The following TIAM1 variants were observed in gnomAD, a reference collection of about 807,000 sequenced individuals.
TIAM1 encodes the protein rho guanine nucleotide exchange factor TIAM1.
Under a neutral mutation model 163.5 loss-of-function variants are expected in TIAM1, and 65 were observed. The ratio of observed to expected loss-of-function variants is 0.40; its 90% confidence interval spans 0.33 to 0.49. The LOEUF is 0.49. Among genes scored for constraint, TIAM1 ranks in the 20% least tolerant of loss-of-function variants. TIAM1 has a pLI of 0.77. For synonymous variants in TIAM1, 833 were observed against 810.1 expected, an observed-to-expected ratio of 1.03 and a Z score of -0.48; for missense variants, 1,789 against 2,044.7, an observed-to-expected ratio of 0.87 and a Z score of 2.41.
chr21:31,478,332 T>A (rs2046000841), intron 1 of TIAM1, among the ~76,000 whole-genome samples: 1 of 152,222 alleles, frequency 6.6e-6, no homozygotes, highest in South Asian at 2.1e-4. Flanking sequence ...TAGTCTGGAT[T>A]TGCTTTACTA....
At chr21:31,213,576 C>T (rs2087002361) in intron 9 of TIAM1, 104 bp from the exon 10 acceptor site, 1 of 935,746 alleles carries the variant, frequency 1.1e-6, no homozygotes, top group Non-Finnish European at 1.7e-6. Context: ...AAACCTTACA[C>T]ACGTGTTCAG....
At chr21:31,480,957 T>C (rs1437891516) in intron 1 of TIAM1, among the ~76,000 whole-genome samples, 1 of 152,200 alleles carries the variant, frequency 6.6e-6, no homozygotes, top group African/African-American at 2.4e-5. Context: ...GGTTTCACCA[T>C]GTTGGTCAGG....
chr21:31,397,524 T>C (rs1264129794), intron 2 of TIAM1, among the ~76,000 whole-genome samples: 1 of 152,168 alleles, frequency 6.6e-6, no homozygotes, highest in African/African-American at 2.4e-5. Context: ...ATTTAAATCA[T>C]GAAAATCACA....
intron 13 of TIAM1, among the ~76,000 whole-genome samples, chr21:31,191,483 G>A (rs1027069981): frequency 2.0e-5 from 3 of 152,120 alleles, no homozygotes; most frequent in Admixed American, 6.5e-5. Context: ...GTGAAGTCAG[G>A]GAACAGGTGC....
At chr21:31,478,930 C>T (rs1362808548) in intron 1 of TIAM1, among the ~76,000 whole-genome samples, 1 of 152,192 alleles carries the variant, frequency 6.6e-6, no homozygotes, top group Non-Finnish European at 1.5e-5. Flanking sequence ...ACATCGAAGA[C>T]TCAAGAAATA....
At chr21:31,492,192 G>T (rs1219224821) in intron 1 of TIAM1, among the ~76,000 whole-genome samples, 1 of 152,140 alleles carries the variant, frequency 6.6e-6, no homozygotes, top group Admixed American at 6.5e-5. Flanking sequence ...GTCAAGCTGG[G>T]AACTACATCA....
At chr21:31,510,720 G>A (rs541144646) in intron 1 of TIAM1, among the ~76,000 whole-genome samples, 3 of 152,008 alleles carry the variant, frequency 2.0e-5, no homozygotes, top group East Asian at 1.9e-4. Context: ...AGGCTGAGAC[G>A]GGAGAATTGC....
intron 27 of TIAM1, among the ~76,000 whole-genome samples, chr21:31,121,755 G>GC (rs1195332336): frequency 6.6e-6 from 1 of 152,162 alleles, no homozygotes; most frequent in East Asian, 1.9e-4. Context: ...TTCACCTACT[G>GC]CCCTCTAGGA....
At chr21:31,255,822 A>G (rs2072067134) in intron 4 of TIAM1, among the ~76,000 whole-genome samples, 1 of 152,180 alleles carries the variant, frequency 6.6e-6, no homozygotes, top group African/African-American at 2.4e-5. Context: ...CCATGTTAGA[A>G]CCACTCCGTT....
intron 4 of TIAM1, among the ~76,000 whole-genome samples, chr21:31,260,845 AC>A (rs2072429012): frequency 6.6e-6 from 1 of 152,092 alleles, no homozygotes. Context: ...ACTTTAGGGG[AC>A]CTATGGATCC....
intron 2 of TIAM1, among the ~76,000 whole-genome samples, chr21:31,322,694 G>A (rs1216092970): frequency 6.6e-6 from 1 of 152,232 alleles, no homozygotes; most frequent in Non-Finnish European, 1.5e-5. Context: ...ACACTGTGAA[G>A]CAGGGGCTGT....
chr21:31,173,961 T>G (rs2084644822), intron 15 of TIAM1, among the ~76,000 whole-genome samples: 1 of 152,144 alleles, frequency 6.6e-6, no homozygotes, highest in Non-Finnish European at 1.5e-5. Flanking sequence ...GCAGGCCATG[T>G]GCTGTGTGAC....
chr21:31,415,368 T>C (rs1162720867), intron 2 of TIAM1, among the ~76,000 whole-genome samples: 1 of 152,190 alleles, frequency 6.6e-6, no homozygotes, highest in Non-Finnish European at 1.5e-5. Context: ...AGCAAACCCA[T>C]TGAGTTCGCT....
intron 2 of TIAM1, among the ~76,000 whole-genome samples, chr21:31,360,972 G>C (rs1055481453): frequency 1.3e-5 from 2 of 152,050 alleles, no homozygotes; most frequent in African/African-American, 4.8e-5. Context: ...AATTGGGTCA[G>C]GCACTTTAGT....
chr21:31,341,804 G>A lies in TIAM1; in HGVS notation c.-369+2334C>T, dbSNP rs77336135. 6.0e-3 allele frequency among the ~76,000 whole-genome samples: 915 copies of A among 152,226 alleles called. 6 individuals carry two copies. The highest frequency in any genetic ancestry group is 0.017 in the Middle Eastern group (5 of 294). On this transcript the variant is annotated intron_variant, in intron 1 of 27. Coordinates refer to ENST00000541036, the MANE Select transcript of TIAM1 (RefSeq NM_001353694.2). ...TCAAAGGCTGTTTAAGGCCTTTTTC[G>A]ACAGAGTTCCACTGGGCAGAATTTT...
chr21:31,422,090 T>C (rs2043598210), intron 2 of TIAM1, among the ~76,000 whole-genome samples: 1 of 152,152 alleles, frequency 6.6e-6, no homozygotes. Flanking sequence ...GACTTCAGGC[T>C]TCTGGCTTCC....
In TIAM1 at chr21:31,141,610, T is replaced by G. The variant is rs749882290; in HGVS notation, c.3476-106A>C. ...ACTCCAAGGTGCCTTTTTGCAGGAC[T>G]GAGCAGAGAGTGGGTGGCAGGAAGA... On this transcript the variant is annotated intron_variant, in intron 20 of 27. Coordinates refer to ENST00000541036, the MANE Select transcript of TIAM1 (RefSeq NM_001353694.2). This position sits in a 1 kb window ranked among gnomAD's most constrained non-coding sequence, Gnocchi z 4.7. 3 of 1,329,008 alleles carry G rather than the reference T, an allele frequency of 2.3e-6. No homozygotes were observed. Among genetic ancestry groups the G allele is most frequent in the Non-Finnish European group, 3.1e-6 (3 of 958,258 alleles). 82.3% of individuals were successfully genotyped at this position (1,329,008 alleles called of 1,614,324 possible). A position where few individuals can be genotyped will look rare whatever the true frequency, so the allele number is the denominator to read the frequency against.
At chr21:31,197,677 C>T (rs1325497837) in intron 12 of TIAM1, among the ~76,000 whole-genome samples, 3 of 152,094 alleles carry the variant, frequency 2.0e-5, no homozygotes, top group South Asian at 2.1e-4. Context: ...CCGGATATTT[C>T]GTTTTCTTAT....
At position 31,534,589 on chromosome 21, in the gene TIAM1, T is replaced by C. The variant is rs192766887; in HGVS notation, c.-422+24338A>G. Among the ~76,000 whole-genome samples the C allele has an allele frequency of 5.8e-4, 88 of 152,198 alleles. 1 individual carries two copies. Among genetic ancestry groups the C allele is most frequent in the African/African-American group, 2.0e-3 (83 of 41,526 alleles). ...ACTCGGGAAGCTGAGATAGAAGAAT[T>C]GTTGAACCCGGGAGGCAGAGGTTGC... On this transcript the variant is annotated intron_variant, in intron 1 of 28. Transcript: ENST00000286827.
Sources: allele counts gnomAD v4.1 joint callset (sites outside exome capture counted in the v4.1 genomes callset), GRCh38; gene constraint gnomAD v4.1.1; non-coding constraint Gnocchi (gnomAD v3.1); transcripts MANE v1.5; gene names NCBI Gene and HGNC (gene_info 2026-07-23, HGNC 2026-07-21).